The following ZFP2 variants were observed in gnomAD, a reference collection of about 807,000 sequenced individuals.
The protein encoded by ZFP2 is zinc finger protein ZFP2.
ZFP2 carries 33 observed loss-of-function variants against 36.1 expected under a neutral mutation model. The observed-to-expected ratio is 0.92, with a 90% CI of 0.69 to 1.22. The LOEUF (loss-of-function observed/expected upper bound fraction) is 1.22. Among genes scored for constraint, ZFP2 ranks in the 50% most tolerant of loss-of-function variants. The pLI, the probability that ZFP2 is intolerant of heterozygous loss-of-function variation, is 0.00. For missense variants in ZFP2, 522 were observed against 551.4 expected, an observed-to-expected ratio of 0.95 and a Z score of 0.53; for synonymous variants, 170 against 178.0, an observed-to-expected ratio of 0.96 and a Z score of 0.36.
rs777422280 is a variant in ZFP2 at position 178,931,554 on chromosome 5, G to C, written c.241G>C (p.Glu81Gln). The C allele has an allele frequency of 6.2e-7, 1 of 1,614,178 alleles. No homozygotes were observed. Among genetic ancestry groups the C allele is most frequent in the East Asian group, 2.2e-5 (1 of 44,874 alleles). Residue 81 changes from glutamate to glutamine, a missense_variant, in exon 5 of 5, where the codon GAA (glutamate) becomes CAA (glutamine). Coordinates refer to ENST00000361362, the MANE Select transcript of ZFP2 (RefSeq NM_030613.4). ...KRPHNCNSHG[E>Q]DATQNSELIK... ...GCCCCATAACTGTAATTCACATGGA[G>C]AAGATGCCACACAAAATTCTGAGTT...
chr5:178,905,088 G>A (rs1015868094), intron 1 of ZFP2, among the ~76,000 whole-genome samples: 9 of 152,168 alleles, frequency 5.9e-5, no homozygotes, highest in South Asian at 4.1e-4. Context: ...CTTAATAGTC[G>A]AATTTTATTA....
At chr5:178,921,141 T>TA (rs1242612425) in intron 4 of ZFP2, among the ~76,000 whole-genome samples, 2 of 152,154 alleles carry the variant, frequency 1.3e-5, no homozygotes, top group Non-Finnish European at 2.9e-5. Flanking sequence ...CGGTCCCTCT[T>TA]ATTCTCAAAG....
chr5:178,919,626 C>G (rs1026002446), intron 4 of ZFP2, among the ~76,000 whole-genome samples: 12 of 152,092 alleles, frequency 7.9e-5, no homozygotes, highest in African/African-American at 2.7e-4. Flanking sequence ...TATCAATTTT[C>G]CCTGGTTGCT....
chr5:178,922,692 A>G, intron 4 of ZFP2: 1 of 1,584,774 alleles, frequency 6.3e-7, no homozygotes, highest in Admixed American at 1.7e-5. Context: ...ATACTGGAAT[A>G]GAAAGCAACT....
chr5:178,914,412 A>G (rs1157182114), intron 3 of ZFP2, among the ~76,000 whole-genome samples: 1 of 152,118 alleles, frequency 6.6e-6, no homozygotes, highest in African/African-American at 2.4e-5. Context: ...ACTGCTTTAG[A>G]TACTATTTTG....
intron 1 of ZFP2, among the ~76,000 whole-genome samples, chr5:178,904,696 CTTTT>C (rs1195032566): frequency 5.6e-5 from 5 of 88,622 alleles, no homozygotes; most frequent in African/African-American, 1.8e-4. Flanking sequence ...ATTCATTTTG[CTTTT>C]TTTTTTTTTT....
chr5:178,923,551 A>G (rs577233128), intron 4 of ZFP2, among the ~76,000 whole-genome samples: 1 of 149,678 alleles, frequency 6.7e-6, no homozygotes, highest in South Asian at 2.1e-4. Flanking sequence ...AATAGCAGAA[A>G]TGGTTTAGGA....
At chr5:178,905,446 A>G (rs1208790536) in intron 1 of ZFP2, among the ~76,000 whole-genome samples, 1 of 152,224 alleles carries the variant, frequency 6.6e-6, no homozygotes, top group Non-Finnish European at 1.5e-5. Context: ...CTAAAACTTC[A>G]TCACTATCAT....
intron 1 of ZFP2, among the ~76,000 whole-genome samples, chr5:178,912,245 G>A (rs551004803): frequency 6.6e-6 from 1 of 152,334 alleles, no homozygotes; most frequent in East Asian, 1.9e-4. Context: ...AGTGTCCTGT[G>A]TTTGGTCATC....
intron 1 of ZFP2, among the ~76,000 whole-genome samples, chr5:178,898,728 G>A (rs1757989095): frequency 6.6e-6 from 1 of 152,124 alleles, no homozygotes; most frequent in Admixed American, 6.5e-5. Context: ...ACTGCATGTG[G>A]GCCTCACTGC....
intron 4 of ZFP2, among the ~76,000 whole-genome samples, chr5:178,929,943 G>GGC (rs1554107551): frequency 1.6e-4 from 16 of 100,224 alleles, no homozygotes; most frequent in Middle Eastern, 6.4e-3. Context: ...GCTTGACGGT[G>GGC]GGGGGGGGGG....
At chr5:178,922,622 C>T in intron 4 of ZFP2, 1 of 1,585,274 alleles carries the variant, frequency 6.3e-7, no homozygotes, top group Non-Finnish European at 8.6e-7. Flanking sequence ...GGCCCATCTC[C>T]TGTACGCTTG....
At chr5:178,898,360 G>C (rs1287853832) in intron 1 of ZFP2, among the ~76,000 whole-genome samples, 4 of 152,330 alleles carry the variant, frequency 2.6e-5, no homozygotes, top group African/African-American at 7.2e-5. Flanking sequence ...TTAAAGAAAT[G>C]ACATCCTGGT....
chr5:178,924,372 C>CA (rs11292713), intron 4 of ZFP2, among the ~76,000 whole-genome samples: 4,276 of 110,810 alleles, frequency 0.039, 270 homozygotes, highest in African/African-American at 0.12. Flanking sequence ...GACTCTGTCT[C>CA]AAAAAAAAAA....
rs1372874558 is a variant in ZFP2, at chr5:178,908,635, A to C, written c.-449-3949A>C. Among the ~76,000 whole-genome samples the C allele has an allele frequency of 4.6e-3, 700 of 151,612 alleles. 6 individuals carry two copies. The highest frequency in any genetic ancestry group is 0.016 in the African/African-American group (665 of 41,222). On this transcript the variant is annotated intron_variant, in intron 1 of 4. Transcript: ENST00000361362. Reference sequence around the variant, plus strand: ...CTTCCCCTACCAAAAAAAAAAAAAAAAAACCTAATTTGTGCAAGAAATGGC... The same window carrying C: ...CTTCCCCTACCAAAAAAAAAAAAAACAAACCTAATTTGTGCAAGAAATGGC...
chr5:178,924,754 A>G (rs1021542871), intron 4 of ZFP2, among the ~76,000 whole-genome samples: 1 of 148,804 alleles, frequency 6.7e-6, no homozygotes, highest in African/African-American at 2.4e-5. Flanking sequence ...AGACTGAGGC[A>G]GGAGAATCAC....
Position 178,932,455 on chromosome 5 carries a change from C to G in ZFP2, c.1142C>G (p.Pro381Arg), listed in dbSNP as rs557542671. ...VHQVIHTGEK[P>R]YECNECGKAF... ...CAGGTCATTCACACTGGAGAGAAAC[C>G]TTATGAGTGCAATGAATGTGGAAAG... The change falls in exon 5 of 5, where the codon CCT becomes CGT. Residue 381 changes from proline (P) to arginine (R), a missense_variant. Coordinates refer to ENST00000361362, the MANE Select transcript of ZFP2 (RefSeq NM_030613.4). 8.7e-6 allele frequency: 14 copies of G among 1,614,092 alleles called. No individual in the cohort carries two copies. In the East Asian group the frequency reaches 3.1e-4, roughly 36 times the overall value.
intron 1 of ZFP2, chr5:178,910,419 T>C: frequency 2.4e-6 from 2 of 823,704 alleles, no homozygotes; most frequent in South Asian, 2.7e-5. Flanking sequence ...TGTTGGCAGC[T>C]GGCAGCCTCG....
At position 178,932,701 on chromosome 5, in the gene ZFP2, G is replaced by C. The variant is rs755550786; in HGVS notation, c.*2G>C. The C allele has an allele frequency of 6.3e-7, 1 of 1,581,882 alleles. No homozygotes were observed. Among genetic ancestry groups the C allele is most frequent in the South Asian group, 1.2e-5 (1 of 85,282 alleles). On this transcript the variant is annotated 3_prime_UTR_variant, in exon 5 of 5. Transcript: ENST00000361362. ...CGACATCAAAGAACTCATACGTGAG[G>C]AATGTTTTCACTGGCCCTTACCTCA...
Sources: allele counts gnomAD v4.1 joint callset (sites outside exome capture counted in the v4.1 genomes callset), GRCh38; gene constraint gnomAD v4.1.1; transcripts MANE v1.5; gene names NCBI Gene and HGNC (gene_info 2026-07-23, HGNC 2026-07-21).